Variants in RABGAP1L observed in about 807,000 individuals in gnomAD.
The protein encoded by RABGAP1L is RAB GTPase activating protein 1 like.
A neutral mutation model predicts 137.7 loss-of-function variants in RABGAP1L; 63 were observed. The observed-to-expected ratio is 0.46, with a 90% CI of 0.37 to 0.56. The LOEUF is 0.56. RABGAP1L is among the 20% of genes least tolerant of loss of function. The pLI is 0.00. For synonymous variants in RABGAP1L, 431 were observed against 433.7 expected, an observed-to-expected ratio of 0.99 and a Z score of 0.08; for missense variants, 1,095 against 1,244.0, an observed-to-expected ratio of 0.88 and a Z score of 1.80.
At chr1:174,707,005 A>T (rs1680098004) in intron 17 of RABGAP1L, among the ~76,000 whole-genome samples, 1 of 152,124 alleles carries the variant, frequency 6.6e-6, no homozygotes, top group South Asian at 2.1e-4. Context: ...GCTCCGTGTG[A>T]ATCTTTTGAA....
intron 13 of RABGAP1L, among the ~76,000 whole-genome samples, chr1:174,504,652 T>G (rs2147777777): frequency 6.6e-6 from 1 of 152,244 alleles, no homozygotes; most frequent in East Asian, 1.9e-4. Flanking sequence ...TAAATGGTCC[T>G]AGGAAAACTG....
intron 13 of RABGAP1L, among the ~76,000 whole-genome samples, chr1:174,571,039 A>G (rs942821177): frequency 1.3e-5 from 2 of 152,236 alleles, no homozygotes; most frequent in Non-Finnish European, 2.9e-5. Flanking sequence ...GAGCAGATGA[A>G]TGGAGAAAGA....
chr1:174,641,757 T>C (rs972435999), intron 14 of RABGAP1L, among the ~76,000 whole-genome samples: 7 of 152,168 alleles, frequency 4.6e-5, no homozygotes, highest in Admixed American at 2.6e-4. Context: ...GAGGGAAATT[T>C]GTAAGGGTGT....
chr1:174,914,118 TC>T (rs577580710), intron 19 of RABGAP1L, among the ~76,000 whole-genome samples: 182 of 152,300 alleles, frequency 1.2e-3, no homozygotes, highest in African/African-American at 4.2e-3. Context: ...AGGGATGAAC[TC>T]CATTCTTTAT....
At chr1:174,398,332 A>G (rs1450086268) in intron 13 of RABGAP1L, among the ~76,000 whole-genome samples, 2 of 152,078 alleles carry the variant, frequency 1.3e-5, no homozygotes, top group African/African-American at 4.8e-5. Context: ...ACCATATTGT[A>G]TTGGGGCTGT....
At chr1:174,558,895 C>T (rs1449877519) in intron 13 of RABGAP1L, among the ~76,000 whole-genome samples, 2 of 152,138 alleles carry the variant, frequency 1.3e-5, no homozygotes, top group Non-Finnish European at 2.9e-5. Flanking sequence ...AGATGTATTT[C>T]TCTCAGAGTA....
At chr1:174,419,484 T>C (rs1041942881) in intron 13 of RABGAP1L, among the ~76,000 whole-genome samples, 1 of 152,226 alleles carries the variant, frequency 6.6e-6, no homozygotes, top group African/African-American at 2.4e-5. Flanking sequence ...AAAATAAATA[T>C]GCTAAAAATG....
intron 18 of RABGAP1L, among the ~76,000 whole-genome samples, chr1:174,797,608 T>G (rs1009962670): frequency 9.3e-6 from 1 of 107,270 alleles, no homozygotes; most frequent in Non-Finnish European, 1.9e-5. Context: ...TGTGGGCGTG[T>G]AGTGTGGAGT....
At chr1:174,345,437 A>T (rs1682348628) in intron 11 of RABGAP1L, among the ~76,000 whole-genome samples, 1 of 152,010 alleles carries the variant, frequency 6.6e-6, no homozygotes, top group African/African-American at 2.4e-5. Flanking sequence ...ATATCTTTTT[A>T]TTTTTTGGTG....
chr1:174,367,471 T>C (rs1684748890), intron 11 of RABGAP1L: 1 of 210,176 alleles, frequency 4.8e-6, no homozygotes, highest in African/African-American at 2.4e-5. Flanking sequence ...TCTTCAGGCC[T>C]CTTCCGAAAA....
chr1:174,484,092 G>A (rs896330592), intron 13 of RABGAP1L, among the ~76,000 whole-genome samples: 3 of 152,084 alleles, frequency 2.0e-5, no homozygotes, highest in Admixed American at 6.6e-5. Flanking sequence ...ATGGATAAAA[G>A]CCATTTTAAC....
intron 18 of RABGAP1L, among the ~76,000 whole-genome samples, chr1:174,756,500 T>C (rs1281879607): frequency 6.6e-6 from 1 of 151,824 alleles, no homozygotes; most frequent in East Asian, 1.9e-4. Flanking sequence ...ACTTTATTGA[T>C]CTAAAAAACT....
chr1:174,264,886 C>A (rs1673919517), intron 7 of RABGAP1L, among the ~76,000 whole-genome samples: 1 of 151,806 alleles, frequency 6.6e-6, no homozygotes, highest in Admixed American at 6.6e-5. Flanking sequence ...AATAGGAACT[C>A]CAAGTCTAAT....
At chr1:174,229,847 C>G (rs1412454717) in intron 3 of RABGAP1L, among the ~76,000 whole-genome samples, 1 of 152,182 alleles carries the variant, frequency 6.6e-6, no homozygotes, top group East Asian at 1.9e-4. Context: ...GCCACACTGA[C>G]TTCCACAATG....
At chr1:174,666,829 C>A (rs1159082570) in intron 14 of RABGAP1L, among the ~76,000 whole-genome samples, 2 of 151,958 alleles carry the variant, frequency 1.3e-5, no homozygotes, top group East Asian at 3.8e-4. Flanking sequence ...TGGGTATAAT[C>A]TAGTTGGAAA....
At chr1:174,363,313 C>A (rs376692277) in intron 11 of RABGAP1L, among the ~76,000 whole-genome samples, 156 of 152,180 alleles carry the variant, frequency 1.0e-3, no homozygotes, top group African/African-American at 3.4e-3. Context: ...TTTTGTAGTT[C>A]TTTGAAGAAT....
chr1:174,544,910 CAG>C, intron 13 of RABGAP1L: 1 of 197,844 alleles, frequency 5.1e-6, no homozygotes. Flanking sequence ...GTGGAAGCTG[CAG>C]AACAGCAAAT....
At chr1:174,370,414 A>G (rs1395190345) in intron 11 of RABGAP1L, among the ~76,000 whole-genome samples, 2 of 150,100 alleles carry the variant, frequency 1.3e-5, no homozygotes, top group Non-Finnish European at 3.0e-5. Flanking sequence ...GTGTTTGTAA[A>G]ATTGCCATAT....
chr1:174,345,719 T>C (rs529256837), intron 11 of RABGAP1L, among the ~76,000 whole-genome samples: 1 of 152,314 alleles, frequency 6.6e-6, no homozygotes, highest in Admixed American at 6.5e-5. Flanking sequence ...CCTTTTCAAT[T>C]TGAGTGCCCT....
Sources: allele counts gnomAD v4.1 joint callset (sites outside exome capture counted in the v4.1 genomes callset), GRCh38; gene constraint gnomAD v4.1.1; transcripts MANE v1.5; gene names NCBI Gene and HGNC (gene_info 2026-07-23, HGNC 2026-07-21).